Variants in ZNF280D observed in about 807,000 individuals in gnomAD.
The protein encoded by ZNF280D is zinc finger protein 280D.
A neutral mutation model predicts 94.7 loss-of-function variants in ZNF280D; 39 were observed. The ratio of observed to expected loss-of-function variants is 0.41; its 90% CI spans 0.32 to 0.54. The LOEUF (loss-of-function observed/expected upper bound fraction) is 0.54. ZNF280D is among the 20% of genes least tolerant of loss of function. The pLI is 0.22. For synonymous variants in ZNF280D, 398 were observed against 377.6 expected, an observed-to-expected ratio of 1.05 and a Z score of -0.63; for missense variants, 1,090 against 1,149.3, an observed-to-expected ratio of 0.95 and a Z score of 0.75.
At chr15:56,698,505 T>A (rs2056879056) in intron 6 of ZNF280D, 1 of 152,146 alleles carries the variant, frequency 6.6e-6, no homozygotes, top group African/African-American at 2.4e-5. Flanking sequence ...ACAATCAAGA[T>A]TGACTAAGCG....
intron 7 of ZNF280D, among the ~76,000 whole-genome samples, chr15:56,689,910 T>C (rs914206988): frequency 9.2e-5 from 14 of 152,194 alleles, no homozygotes; most frequent in Non-Finnish European, 2.1e-4. Context: ...ACTCTTAAGA[T>C]GCTTTTTTCA....
chr15:56,670,355 C>T (rs2054778670), intron 13 of ZNF280D, among the ~76,000 whole-genome samples: 1 of 151,664 alleles, frequency 6.6e-6, no homozygotes, highest in Non-Finnish European at 1.5e-5. Flanking sequence ...CCACCCTCTG[C>T]CCTCTGGCAG....
chr15:56,727,303 T>C (rs1398604371), intron 1 of ZNF280D, among the ~76,000 whole-genome samples: 3 of 151,866 alleles, frequency 2.0e-5, no homozygotes, highest in African/African-American at 7.3e-5. Context: ...CTACTAAAAA[T>C]ACAAAATTAG....
intron 7 of ZNF280D, among the ~76,000 whole-genome samples, chr15:56,692,748 T>A (rs1425966912): frequency 6.6e-6 from 1 of 152,112 alleles, no homozygotes; most frequent in Non-Finnish European, 1.5e-5. Flanking sequence ...TTCACACTAG[T>A]GTCCATAGAA....
At chr15:56,725,072 T>C in intron 1 of ZNF280D, 1 of 278,588 alleles carries the variant, frequency 3.6e-6, no homozygotes, top group Non-Finnish European at 7.2e-6. Flanking sequence ...CCCAGGCCTC[T>C]CTCAAGCCCC....
intron 13 of ZNF280D, among the ~76,000 whole-genome samples, chr15:56,675,271 CT>C (rs1292878167): frequency 3.3e-5 from 5 of 151,972 alleles, no homozygotes; most frequent in Non-Finnish European, 7.4e-5. Flanking sequence ...GACAAAGCAC[CT>C]GGGAAAGATT....
At chr15:56,650,463 TTAACTC>T (rs1370225283) in intron 19 of ZNF280D, among the ~76,000 whole-genome samples, 6 of 152,130 alleles carry the variant, frequency 3.9e-5, no homozygotes, top group Non-Finnish European at 8.8e-5. Flanking sequence ...GCTGGGTCCT[TTAACTC>T]TAATATTTTG....
intron 19 of ZNF280D, among the ~76,000 whole-genome samples, chr15:56,651,253 G>A (rs2053186212): frequency 6.6e-6 from 1 of 152,144 alleles, no homozygotes; most frequent in African/African-American, 2.4e-5. Context: ...TAAGAATGAT[G>A]ATGGACTCAA....
intron 13 of ZNF280D, among the ~76,000 whole-genome samples, chr15:56,673,235 T>C (rs8041540): frequency 0.49 from 74,865 of 151,638 alleles, 19,914 homozygotes; most frequent in Non-Finnish European, 0.6. Flanking sequence ...CTGAACAAAA[T>C]TGAACTCGAG....
intron 6 of ZNF280D, chr15:56,699,207 A>G (rs1233385318): frequency 5.1e-6 from 1 of 196,920 alleles, no homozygotes; most frequent in Non-Finnish European, 9.2e-6. Flanking sequence ...AAATAAATAA[A>G]TAACAAATAT....
intron 1 of ZNF280D, among the ~76,000 whole-genome samples, chr15:56,717,184 A>G (rs1370814278): frequency 3.3e-5 from 5 of 152,168 alleles, no homozygotes; most frequent in Non-Finnish European, 1.5e-5. Flanking sequence ...ATCAAAAAGC[A>G]CAAGAATAAA....
chr15:56,714,848 T>G (rs550510796), intron 1 of ZNF280D, among the ~76,000 whole-genome samples: 1 of 152,290 alleles, frequency 6.6e-6, no homozygotes, highest in South Asian at 2.1e-4. Flanking sequence ...ATTAAGAATT[T>G]GAAAAATAAT....
chr15:56,682,319 C>G lies in ZNF280D; in HGVS notation c.939G>C (p.Glu313Asp). The G allele has an allele frequency of 1.3e-6, 2 of 1,594,358 alleles. No individual in the cohort carries two copies. The highest frequency in any genetic ancestry group is 1.7e-6 in the Non-Finnish European group (2 of 1,174,736). ...YYGKHEGDVQ[E>D]EQKTHTTFKC... ...TAAAGGTTGTGTGAGTCTTCTGTTC[C>G]TCCTGGACATCTCCTTCATGTTTTC... Residue 313 changes from glutamate to aspartate, a missense_variant, in exon 10 of 22, where the codon GAG becomes GAC. By Grantham distance (45) the Glu-to-Asp change is conservative. This residue lies in a region of ZNF280D where 386 missense variants were observed against 372.0 expected (regional missense o/e 1.04). Transcript: ENST00000267807.
At chr15:56,710,156 A>G (rs941982935) in intron 1 of ZNF280D, among the ~76,000 whole-genome samples, 1 of 152,180 alleles carries the variant, frequency 6.6e-6, no homozygotes, top group Non-Finnish European at 1.5e-5. Flanking sequence ...TAATCCCAAC[A>G]CTTTGGGAGG....
At chr15:56,689,250 G>C in intron 8 of ZNF280D, 50 bp downstream of exon 8, 3 of 1,559,724 alleles carry the variant, frequency 1.9e-6, no homozygotes, top group Non-Finnish European at 2.6e-6. Flanking sequence ...CTTCAAAAAT[G>C]TATGTATAAA....
At chr15:56,678,040 C>T (rs1326159753) in intron 11 of ZNF280D, among the ~76,000 whole-genome samples, 1 of 146,630 alleles carries the variant, frequency 6.8e-6, no homozygotes, top group Non-Finnish European at 1.5e-5. Flanking sequence ...CAGTATCTTG[C>T]TCTGTCACCC....
chr15:56,631,662 C>T lies in ZNF280D; in HGVS notation c.2776G>A (p.Val926Ile). 1 of 1,614,152 alleles carries T rather than the reference C, an allele frequency of 6.2e-7. No individual in the cohort carries two copies. Among genetic ancestry groups the T allele is most frequent in the Non-Finnish European group, 8.5e-7 (1 of 1,180,020 alleles). ...ATCTCTGTGGCTTCATACTCAAGTA[C>T]CTCGGATGGAGTCAGAGGTTCCAAA... ...IHLEPLTPSE[V>I]LEYEATEILQ... is the part of the protein sequence containing the mutation. Residue 926 changes from valine (V) to isoleucine (I), a missense_variant, in exon 22 of 22, where the codon GTA becomes ATA. Physicochemically the swap from Val to Ile is conservative, Grantham distance 29 (BLOSUM62 3). Transcript: ENST00000267807.
At chr15:56,702,193 G>A (rs541102286) in intron 4 of ZNF280D, among the ~76,000 whole-genome samples, 7 of 152,196 alleles carry the variant, frequency 4.6e-5, no homozygotes, top group African/African-American at 1.4e-4. Context: ...AAACACTACA[G>A]AAGTCTTATT....
chr15:56,689,191 C>T lies in ZNF280D; in HGVS notation c.671-41G>A, dbSNP rs776307802. On this transcript the variant is annotated intron_variant, in intron 8 of 21. Coordinates refer to ENST00000267807, the MANE Select transcript of ZNF280D (RefSeq NM_017661.4). ...AACATTTATGACTCAAAATTCATCA[C>T]TTTTTAACCTTAAATAACCACTAAT... 9 of 1,575,658 alleles carry T rather than the reference C, an allele frequency of 5.7e-6. No individual in the cohort carries two copies. In the East Asian group the frequency reaches 1.8e-4, roughly 32 times the overall value.
Sources: gnomAD v4.1 joint callset for allele counts (sites outside exome capture counted in the v4.1 genomes callset) on GRCh38, gnomAD v4.1.1 for gene constraint, gnomAD v4.1.1 regional missense constraint, MANE v1.5 for transcripts, NCBI Gene and HGNC (gene_info 2026-07-23, HGNC 2026-07-21) for gene names.